KREMEN1: variants seen among roughly 807,000 people sequenced by gnomAD.
The protein encoded by KREMEN1 is kremen protein 1.
A neutral mutation model predicts 46.5 loss-of-function variants in KREMEN1; 30 were observed. The observed-to-expected ratio is 0.65, with a 90% CI of 0.48 to 0.88. The LOEUF is 0.88. Among genes scored for constraint, KREMEN1 ranks in the 40% least tolerant of loss-of-function variants. KREMEN1 has a pLI of 0.00. For missense variants in KREMEN1, 533 were observed against 596.9 expected (o/e 0.89, Z 1.11); for synonymous variants, 214 against 230.6 (o/e 0.93, Z 0.65).
intron 5 of KREMEN1, among the ~76,000 whole-genome samples, chr22:29,136,214 G>A (rs868691530): frequency 6.6e-6 from 1 of 150,800 alleles, no homozygotes; most frequent in African/African-American, 2.4e-5. Flanking sequence ...GAGCCACCGC[G>A]CCCGGACTGC....
rs8141093 is a variant in KREMEN1, at chr22:29,144,468, C to G, written c.*2356C>G. On this transcript the variant is annotated 3_prime_UTR_variant, in exon 9 of 9. Transcript: ENST00000400335. ...GAGGGCACAGAGCTGCTCGGTGCAG[C>G]CTTCATGCTTTGATCTGGAAAGAGC... is the stretch of plus-strand genomic sequence containing the variant. 5.7e-3 allele frequency: 5,663 copies of G among 985,504 alleles called. 238 individuals carry two copies. The African/African-American group carries it at 0.088, about 15-fold the overall frequency. 61.0% of individuals were successfully genotyped at this position (985,504 alleles called of 1,614,324 possible).
At chr22:29,154,395 T>G (rs1218279331) in intron 9 of KREMEN1, 1 of 152,252 alleles carries the variant, frequency 6.6e-6, no homozygotes, top group African/African-American at 2.4e-5. Flanking sequence ...TGCAGTGGAT[T>G]TCCTTATCTG....
At chr22:29,122,680 C>T (rs938499421) in intron 4 of KREMEN1, among the ~76,000 whole-genome samples, 1 of 152,084 alleles carries the variant, frequency 6.6e-6, no homozygotes, top group African/African-American at 2.4e-5. Context: ...TGGCTCATGC[C>T]TATAATCCCA....
chr22:29,113,550 A>C (rs1271638541), intron 3 of KREMEN1, among the ~76,000 whole-genome samples: 1 of 152,154 alleles, frequency 6.6e-6, no homozygotes, highest in Non-Finnish European at 1.5e-5. Flanking sequence ...TGTGGTATTT[A>C]CTTTATTTAC....
chr22:29,158,362 C>T (rs1483528539), intron 9 of KREMEN1, among the ~76,000 whole-genome samples: 1 of 152,174 alleles, frequency 6.6e-6, no homozygotes, highest in Non-Finnish European at 1.5e-5. Flanking sequence ...AGCCAAGATT[C>T]CTGGCTCACT....
At chr22:29,162,320 A>G (rs1192418956) in intron 9 of KREMEN1, among the ~76,000 whole-genome samples, 2 of 152,180 alleles carry the variant, frequency 1.3e-5, no homozygotes, top group African/African-American at 2.4e-5. Flanking sequence ...GAAACTAGGC[A>G]TCGAAGGAAT....
At chr22:29,123,763 C>T (rs926699106) in intron 4 of KREMEN1, among the ~76,000 whole-genome samples, 3 of 152,178 alleles carry the variant, frequency 2.0e-5, no homozygotes, top group Non-Finnish European at 4.4e-5. Flanking sequence ...GTACTCCAAC[C>T]TGGATGACAG....
chr22:29,113,574 A>T (rs1304726239), intron 3 of KREMEN1, among the ~76,000 whole-genome samples: 1 of 152,090 alleles, frequency 6.6e-6, no homozygotes, highest in Non-Finnish European at 1.5e-5. Context: ...ATCTCATTTT[A>T]TTTCTCACAA....
chr22:29,089,215 A>C (rs1239241291), intron 1 of KREMEN1, among the ~76,000 whole-genome samples: 1 of 152,150 alleles, frequency 6.6e-6, no homozygotes, highest in Non-Finnish European at 1.5e-5. Flanking sequence ...CAGTTTTCTG[A>C]AGATGTCAAG....
rs184947560 is a variant in KREMEN1, at chr22:29,161,309, C to T, written c.1417-5735C>T. Among the ~76,000 whole-genome samples, 817 of 151,792 alleles carry T rather than the reference C, an allele frequency of 5.4e-3. 9 individuals carry two copies. Among genetic ancestry groups the T allele is most frequent in the Non-Finnish European group, 7.4e-3 (504 of 67,892 alleles). On this transcript the variant is annotated intron_variant, in intron 9 of 9. Coordinates refer to the KREMEN1 transcript ENST00000327813. ...GATCATGAGGTCAGGAGATCGAGAC[C>T]ATCCTGGCTAACATGATGAAACCCC...
intron 5 of KREMEN1, chr22:29,134,210 T>C (rs2038619894): frequency 6.6e-6 from 1 of 151,712 alleles, no homozygotes; most frequent in Non-Finnish European, 1.5e-5. Flanking sequence ...TAGGCTGGAG[T>C]GCAATGGTGC....
intron 6 of KREMEN1, 74 bp downstream of exon 6, chr22:29,137,748 C>G (rs2038693734): frequency 8.0e-7 from 1 of 1,254,814 alleles, no homozygotes; most frequent in Admixed American, 2.5e-5. Context: ...ACCCTTGTGA[C>G]TTGGGCAGTT....
At chr22:29,158,900 C>T (rs1045319996) in intron 9 of KREMEN1, among the ~76,000 whole-genome samples, 3 of 151,738 alleles carry the variant, frequency 2.0e-5, no homozygotes, top group Non-Finnish European at 4.4e-5. Context: ...CTCGCTGCAA[C>T]CTCCGCCTCC....
At chr22:29,077,436 G>A (rs1349348623) in intron 1 of KREMEN1, among the ~76,000 whole-genome samples, 1 of 152,122 alleles carries the variant, frequency 6.6e-6, no homozygotes, top group African/African-American at 2.4e-5. Context: ...TGCAACCTCC[G>A]CTTCCCGGGT....
At chr22:29,147,209 A>G (rs1016527594), downstream of KREMEN1, among the ~76,000 whole-genome samples, 2 of 152,178 alleles carry the variant, frequency 1.3e-5, no homozygotes, top group Non-Finnish European at 2.9e-5. Flanking sequence ...TATGGAGGCT[A>G]TGTTTTGACA....
rs1477238237 is a variant in KREMEN1 at position 29,138,782 on chromosome 22, GGT to G, written c.1123+1_1123+2del. 2 of 1,614,108 alleles carry G rather than the reference GGT, an allele frequency of 1.2e-6. No individual in the cohort carries two copies. Among genetic ancestry groups the G allele is most frequent in the Non-Finnish European group, 1.7e-6 (2 of 1,180,048 alleles). Reference sequence around the variant, plus strand: ...CAGCCACCCACCTCAGACTGTCCCAGGTAGCAATTCCTGGGCGCCACCCATGG... The same window carrying G: ...CAGCCACCCACCTCAGACTGTCCCAGAGCAATTCCTGGGCGCCACCCATGG... On this transcript the variant is annotated splice_donor_variant, in intron 7 of 8. Coordinates refer to ENST00000400335, the MANE Select transcript of KREMEN1 (RefSeq NM_001039570.3). LOFTEE classifies it high-confidence loss of function.
chr22:29,092,510 C>T (rs1479834745), intron 1 of KREMEN1, among the ~76,000 whole-genome samples: 1 of 152,200 alleles, frequency 6.6e-6, no homozygotes, highest in African/African-American at 2.4e-5. Context: ...GGACAAGAAG[C>T]CAAGGCTTAG....
At chr22:29,074,575 G>C (rs191598615) in intron 1 of KREMEN1, among the ~76,000 whole-genome samples, 58 of 152,358 alleles carry the variant, frequency 3.8e-4, no homozygotes, top group African/African-American at 1.4e-3. Context: ...TGGGTGTTGA[G>C]CATAGGCCAT....
At chr22:29,115,477 A>G (rs1478430471) in intron 3 of KREMEN1, among the ~76,000 whole-genome samples, 2 of 152,052 alleles carry the variant, frequency 1.3e-5, no homozygotes, top group Non-Finnish European at 2.9e-5. Flanking sequence ...CACTCATTCC[A>G]TGATTTCAGT....
Sources: gnomAD v4.1 joint callset for allele counts (sites outside exome capture counted in the v4.1 genomes callset) on GRCh38, gnomAD v4.1.1 for gene constraint, MANE v1.5 for transcripts, NCBI Gene and HGNC (gene_info 2026-07-23, HGNC 2026-07-21) for gene names.